CTNND2: variants seen among roughly 807,000 people sequenced by gnomAD.
CTNND2 encodes catenin delta-2.
In CTNND2, 22 loss-of-function variants were observed where a neutral mutation model predicts 144.4. That is an observed-to-expected ratio of 0.15 (90% CI 0.11 to 0.22). CTNND2 has a LOEUF of 0.22. Among genes scored for constraint, CTNND2 ranks in the 10% least tolerant of loss-of-function variants. The pLI is 1.00. For missense variants in CTNND2, 1,353 were observed against 1,618.8 expected (o/e 0.84, Z 2.82); for synonymous variants, 751 against 695.6 (o/e 1.08, Z -1.25).
chr5:11,422,217 T>C (rs1383991628), intron 3 of CTNND2, among the ~76,000 whole-genome samples: 2 of 142,376 alleles, frequency 1.4e-5, no homozygotes, highest in East Asian at 3.9e-4. Context: ...TTGTCTACCT[T>C]TTTTTCCCCC....
chr5:11,562,419 G>C (rs1232572338), intron 3 of CTNND2, among the ~76,000 whole-genome samples: 1 of 152,160 alleles, frequency 6.6e-6, no homozygotes, highest in African/African-American at 2.4e-5. Flanking sequence ...AAACAAGTAG[G>C]TTATGACAAA....
intron 2 of CTNND2, among the ~76,000 whole-genome samples, chr5:11,614,003 G>A (rs1454667983): frequency 1.3e-5 from 2 of 152,144 alleles, no homozygotes; most frequent in Non-Finnish European, 2.9e-5. Flanking sequence ...CATTTATGTA[G>A]TGAAGAGTAA....
intron 9 of CTNND2, among the ~76,000 whole-genome samples, chr5:11,265,500 C>G (rs1745344381): frequency 6.6e-6 from 1 of 152,074 alleles, no homozygotes; most frequent in Non-Finnish European, 1.5e-5. Flanking sequence ...TGCAGACGGG[C>G]CTTTTACTTG....
chr5:11,441,395 T>A (rs1007494525), intron 3 of CTNND2, among the ~76,000 whole-genome samples: 42 of 128,772 alleles, frequency 3.3e-4, no homozygotes, highest in Middle Eastern at 3.8e-3. Context: ...TTTTTTTTTT[T>A]AAAGACAGAT....
At chr5:11,648,063 C>T (rs530374982) in intron 2 of CTNND2, among the ~76,000 whole-genome samples, 2 of 152,178 alleles carry the variant, frequency 1.3e-5, no homozygotes, top group South Asian at 4.1e-4. Context: ...TATTCTATTG[C>T]ATCCTGAACT....
chr5:11,748,553 TTC>T (rs1327792637), intron 1 of CTNND2, among the ~76,000 whole-genome samples: 3 of 152,088 alleles, frequency 2.0e-5, no homozygotes, highest in African/African-American at 4.8e-5. Flanking sequence ...CCAATTTGTT[TTC>T]TGTTTTCTTT....
intron 12 of CTNND2, among the ~76,000 whole-genome samples, chr5:11,151,658 A>G (rs1441521938): frequency 6.6e-6 from 1 of 152,232 alleles, no homozygotes; most frequent in Non-Finnish European, 1.5e-5. Context: ...AGGATACATA[A>G]TTTAAAACAA....
intron 11 of CTNND2, among the ~76,000 whole-genome samples, chr5:11,193,263 T>C (rs996546918): frequency 2.0e-5 from 3 of 152,210 alleles, no homozygotes; most frequent in African/African-American, 4.8e-5. Context: ...TATTGATTCT[T>C]TGACTTTAAT....
intron 18 of CTNND2, among the ~76,000 whole-genome samples, chr5:11,017,211 C>T (rs1034768453): frequency 2.0e-5 from 3 of 151,992 alleles, no homozygotes; most frequent in African/African-American, 7.2e-5. Flanking sequence ...TTAGGCACCC[C>T]TTATTGAGCA....
intron 1 of CTNND2, among the ~76,000 whole-genome samples, chr5:11,872,363 T>C (rs1209004991): frequency 2.0e-5 from 3 of 152,204 alleles, no homozygotes; most frequent in Non-Finnish European, 1.5e-5. Flanking sequence ...TGTGTCTTTA[T>C]AGTAGTATGA....
intron 1 of CTNND2, among the ~76,000 whole-genome samples, chr5:11,757,281 A>C (rs1789004196): frequency 6.6e-6 from 1 of 151,590 alleles, no homozygotes; most frequent in Non-Finnish European, 1.5e-5. Flanking sequence ...ACCATTTCAG[A>C]CCATTATGAA....
chr5:11,359,700 G>A (rs1319987674), intron 8 of CTNND2, among the ~76,000 whole-genome samples: 1 of 152,148 alleles, frequency 6.6e-6, no homozygotes, highest in East Asian at 1.9e-4. Flanking sequence ...AGGGATGCAG[G>A]CATTGCTGTC....
intron 1 of CTNND2, among the ~76,000 whole-genome samples, chr5:11,755,112 A>G (rs372272611): frequency 4.0e-5 from 6 of 151,768 alleles, no homozygotes; most frequent in African/African-American, 1.2e-4. Context: ...CACTCCCTTC[A>G]GGACCTCTTG....
intron 3 of CTNND2, among the ~76,000 whole-genome samples, chr5:11,549,223 G>C (rs895091048): frequency 6.6e-6 from 1 of 152,122 alleles, no homozygotes; most frequent in Non-Finnish European, 1.5e-5. Flanking sequence ...AAAGACTATA[G>C]GTTGCTTGAG....
In CTNND2 at chr5:11,788,569, C is replaced by A. The variant is rs150066344; in HGVS notation, c.38-56297G>T. On this transcript the variant is annotated intron_variant, in intron 1 of 21. Coordinates refer to ENST00000304623, the MANE Select transcript of CTNND2 (RefSeq NM_001332.4). ...CCCTTATATATGAAATTCTCACATA[C>A]GTAGAAGTCTATTTCTAGTTATATC... Among the ~76,000 whole-genome samples the A allele has an allele frequency of 1.5e-3, 223 of 152,180 alleles. 1 individual carries two copies. Among genetic ancestry groups the A allele is most frequent in the Non-Finnish European group, 2.2e-3 (153 of 68,004 alleles).
chr5:11,457,202 G>C (rs1057454591), intron 3 of CTNND2, among the ~76,000 whole-genome samples: 12 of 152,066 alleles, frequency 7.9e-5, no homozygotes, highest in Admixed American at 6.6e-4. Context: ...AGGAGTTTAA[G>C]ACCAGCCTGG....
At chr5:11,472,379 T>A (rs1490294739) in intron 3 of CTNND2, among the ~76,000 whole-genome samples, 1 of 152,246 alleles carries the variant, frequency 6.6e-6, no homozygotes, top group Non-Finnish European at 1.5e-5. Context: ...ATTTTACTTC[T>A]CATTAATCTT....
intron 2 of CTNND2, among the ~76,000 whole-genome samples, chr5:11,589,316 A>ACACACACACACACACACACACACACG (rs1215796926): frequency 2.8e-5 from 3 of 108,834 alleles, no homozygotes; most frequent in Non-Finnish European, 4.3e-5. Flanking sequence ...CACACACGAC[A>ACACACACACACACACACACACACACG]ACAACAACAA....
intron 9 of CTNND2, among the ~76,000 whole-genome samples, chr5:11,272,468 C>T (rs969495088): frequency 6.6e-6 from 1 of 152,092 alleles, no homozygotes; most frequent in Admixed American, 6.5e-5. Flanking sequence ...AACCTTAGAT[C>T]CACCCATGCC....
Sources: allele counts gnomAD v4.1 joint callset (sites outside exome capture counted in the v4.1 genomes callset), GRCh38; gene constraint gnomAD v4.1.1; transcripts MANE v1.5; gene names NCBI Gene and HGNC (gene_info 2026-07-23, HGNC 2026-07-21).